Variants in COG1 observed in about 807,000 individuals in gnomAD.
The protein encoded by COG1 is conserved oligomeric Golgi complex subunit 1.
In COG1, 61 loss-of-function variants were observed where a neutral mutation model predicts 102.2. The observed-to-expected ratio is 0.60, with a 90% CI of 0.49 to 0.74. The LOEUF (loss-of-function observed/expected upper bound fraction) is 0.74. Among genes scored for constraint, COG1 ranks in the 30% least tolerant of loss-of-function variants. The probability of loss-of-function intolerance (pLI) is 0.00; values close to 1 mark genes in which losing one functional copy is unlikely to be tolerated. For missense variants in COG1, 1,164 were observed against 1,232.1 expected (o/e 0.94, Z 0.83); for synonymous variants, 454 against 493.6 (o/e 0.92, Z 1.06).
At position 73,199,851 on chromosome 17, in the gene COG1, G is replaced by C. The variant is rs1431219936; in HGVS notation, c.914-14G>C. ...GGGTGGCCTAGATGGCTTCTCACTT[G>C]GCCTTCTCTTTAGGAAAGGGCACTG... On this transcript the variant is annotated splice_polypyrimidine_tract_variant and intron_variant, in intron 4 of 13. Transcript: ENST00000299886. The C allele has an allele frequency of 1.2e-6, 2 of 1,614,036 alleles. No homozygotes were observed. Among genetic ancestry groups the C allele is most frequent in the Admixed American group, 3.3e-5 (2 of 60,008 alleles).
At chr17:73,206,637 CCTT>C (rs1216797312) in intron 11 of COG1, 68 bp from the exon 12 acceptor site, 2 of 959,366 alleles carry the variant, frequency 2.1e-6, no homozygotes, top group African/African-American at 1.7e-5. Context: ...GGGTGACTAA[CCTT>C]TTTTTTTTTT....
At chr17:73,197,995 G>A (rs542342094) in intron 4 of COG1, among the ~76,000 whole-genome samples, 2 of 152,306 alleles carry the variant, frequency 1.3e-5, no homozygotes, top group East Asian at 3.9e-4. Flanking sequence ...ATGTGTGCCC[G>A]TGCATCCTGT....
Position 73,196,955 on chromosome 17 carries a change from C to A in COG1, c.616C>A (p.Gln206Lys). Residue 206 changes from glutamine to lysine, a missense_variant, in exon 3 of 14, where the codon CAA becomes AAA. Physicochemically the swap from Gln to Lys is moderately conservative, Grantham distance 53 (BLOSUM62 1). Transcript: ENST00000299886. ...MLLKCQGVSD[Q>K]AVAEALCSIM... ...GCTCAAATGCCAAGGTGTGTCTGAC[C>A]AAGCTGTGGCCGAGGCCCTGTGCTC... 1.2e-6 allele frequency: 2 copies of A among 1,614,176 alleles called. No individual in the cohort carries two copies. Among genetic ancestry groups the A allele is most frequent in the South Asian group, 2.2e-5 (2 of 91,078 alleles).
At chr17:73,197,144 G>A (rs2061328744) in intron 3 of COG1, 63 bp downstream of exon 3, 1 of 1,612,486 alleles carries the variant, frequency 6.2e-7, no homozygotes, top group South Asian at 1.1e-5. Flanking sequence ...GTGAGCTGCG[G>A]GAGACTGAAG....
In COG1 at chr17:73,201,523, G is replaced by A. The variant is rs146960628; in HGVS notation, c.1696G>A (p.Val566Met). The A allele has an allele frequency of 5.2e-5, 84 of 1,614,130 alleles. No homozygotes were observed. The highest frequency in any genetic ancestry group is 6.7e-5 in the East Asian group (3 of 44,902). Residue 566 changes from valine to methionine, a missense_variant, in exon 7 of 14, where the codon GTG becomes ATG. Physicochemically the swap from Val to Met is conservative, Grantham distance 21 (BLOSUM62 1). Transcript: ENST00000299886. ...TGACAGATACGCAGATGCGGGGACC[G>A]TGCAGGAGATGCTGCGGACTCAGTC... ...AFDRYADAGT[V>M]QEMLRTQSVA...
At chr17:73,194,486 CA>C (rs574660086) in intron 1 of COG1, among the ~76,000 whole-genome samples, 1 of 137,010 alleles carries the variant, frequency 7.3e-6, no homozygotes, top group Non-Finnish European at 1.5e-5. Flanking sequence ...TTTTTTGAGA[CA>C]GGATCTCGCT....
chr17:73,196,979 T>G lies in COG1; in HGVS notation c.640T>G (p.Ser214Ala), dbSNP rs2061328036. ...SDQAVAEALC[S>A]IMLLEESSPR... Reference sequence around the variant, plus strand: ...CCAAGCTGTGGCCGAGGCCCTGTGCTCTATAATGCTCTTAGAAGAGAGTTC... The same window carrying G: ...CCAAGCTGTGGCCGAGGCCCTGTGCGCTATAATGCTCTTAGAAGAGAGTTC... Residue 214 changes from serine to alanine, a missense_variant, in exon 3 of 14, where the codon TCT becomes GCT. By Grantham distance (99) the Ser-to-Ala change is moderately conservative. Transcript: ENST00000299886. The G allele has an allele frequency of 1.9e-6, 3 of 1,614,116 alleles. No individual in the cohort carries two copies. The highest frequency in any genetic ancestry group is 2.2e-5 in the South Asian group (2 of 91,090).
chr17:73,207,072 G>T (rs774965701), intron 12 of COG1, 109 bp from the exon 13 acceptor site: 1 of 931,392 alleles, frequency 1.1e-6, no homozygotes, highest in Non-Finnish European at 1.6e-6. Context: ...CAGCCTGGGC[G>T]ACAGAACGAG....
chr17:73,198,185 A>T (rs2061333012), intron 4 of COG1, among the ~76,000 whole-genome samples: 1 of 23,100 alleles, frequency 4.3e-5, no homozygotes, highest in Non-Finnish European at 6.8e-4. Flanking sequence ...GACGGAGCTA[A>T]TTGCATGTTC....
intron 9 of COG1, among the ~76,000 whole-genome samples, chr17:73,204,468 G>C (rs893914455): frequency 1.2e-4 from 19 of 152,266 alleles, no homozygotes; most frequent in African/African-American, 4.6e-4. Flanking sequence ...TTACTTACGG[G>C]GAGTTCTTGT....
At position 73,201,656 on chromosome 17, in the gene COG1, C is replaced by CA; in HGVS notation, c.1830dup (p.Val611SerfsTer37). 6.2e-7 allele frequency: 1 copy of CA among 1,614,244 alleles called. No individual in the cohort carries two copies. ...GCCCTCAACAGTGCCAAGCTGCACT[C>CA]AGTTCTTTTCATGGCCAGACTCTGC... On this transcript the variant is annotated frameshift_variant, in exon 7 of 14. Coordinates refer to ENST00000299886, the MANE Select transcript of COG1 (RefSeq NM_018714.3). LOFTEE classifies it high-confidence loss of function.
chr17:73,204,906 T>C (rs2061361896), intron 9 of COG1, among the ~76,000 whole-genome samples: 4 of 152,038 alleles, frequency 2.6e-5, no homozygotes, highest in Admixed American at 2.0e-4. Context: ...CTGACACCTG[T>C]AATCCCAGTA....
chr17:73,200,303 GT>G (rs1212843263), intron 5 of COG1, among the ~76,000 whole-genome samples: 2 of 152,144 alleles, frequency 1.3e-5, no homozygotes, highest in Non-Finnish European at 2.9e-5. Context: ...TTAATGCATT[GT>G]TTTTTTAAGC....
At chr17:73,203,525 GGT>G (rs1397833660) in intron 8 of COG1, 105 bp from the exon 9 acceptor site, 2 of 1,343,686 alleles carry the variant, frequency 1.5e-6, no homozygotes, top group African/African-American at 2.9e-5. Context: ...TGCTGAGAGG[GGT>G]CAAAGTCCTG....
rs370713430 is a variant in COG1 at position 73,197,803 on chromosome 17, G to A, written c.913+407G>A. On this transcript the variant is annotated intron_variant, in intron 4 of 13. Transcript: ENST00000299886. ...ATGTGCAAAGATCCTGAGGCAAGAA[G>A]AAACTGTAAGACAGCCAGTGAGGCA... Among the ~76,000 whole-genome samples the A allele has an allele frequency of 1.4e-3, 211 of 152,346 alleles. 5 individuals are homozygous for A. The South Asian group carries it at 0.042, about 30-fold the overall frequency.
intron 11 of COG1, 122 bp downstream of exon 11, chr17:73,206,384 T>C (rs1447244823): frequency 1.2e-6 from 1 of 806,538 alleles, no homozygotes; most frequent in African/African-American, 1.7e-5. Context: ...AAGACACAAA[T>C]AGCCGAGTGT....
intron 4 of COG1, 102 bp from the exon 5 acceptor site, chr17:73,199,763 G>A (rs2061339444): frequency 7.3e-7 from 1 of 1,362,074 alleles, no homozygotes; most frequent in African/African-American, 1.4e-5. Context: ...TTGTAGAGGT[G>A]AGGTTTCACT....
At position 73,203,001 on chromosome 17, in the gene COG1, T is replaced by C. The variant is rs1210770152; in HGVS notation, c.2075T>C (p.Val692Ala). ...YQVWSSAVVK[V>A]LIHGFTQSLL... is the part of the protein sequence containing the mutation. ...TGGATATCTGCCTTTTATTACCAGG[T>C]TTTGATTCATGGATTCACCCAGTCA... The change falls in exon 8 of 14, where the codon GTT becomes GCT. Residue 692 changes from valine to alanine, a missense_variant and splice_region_variant. Val to Ala is a moderately conservative substitution (Grantham distance 64, BLOSUM62 0). Transcript: ENST00000299886. 2 of 1,613,858 alleles carry C rather than the reference T, an allele frequency of 1.2e-6. No homozygotes were observed. Among genetic ancestry groups the C allele is most frequent in the East Asian group, 2.2e-5 (1 of 44,888 alleles).
rs773716639 is a variant in COG1, at chr17:73,200,728, C to T, written c.1233C>T (p.Leu411=). 10 of 1,614,086 alleles carry T rather than the reference C, an allele frequency of 6.2e-6. No individual in the cohort carries two copies. In the South Asian group the frequency reaches 8.8e-5, roughly 14 times the overall value. Residue 411 remains leucine, a synonymous_variant, in exon 6 of 14, where the codon CTC becomes CTT. Coordinates refer to ENST00000299886, the MANE Select transcript of COG1 (RefSeq NM_018714.3). ...VLCRRLLEKP[L]LFWEDMMQQL... is the part of the protein sequence containing the mutation. The stretch of plus-strand genomic sequence containing the variant: ...GTCGGCGGCTTCTGGAGAAGCCGCT[C>T]TTGTTCTGGGAAGATATGATGCAGC...
Sources: allele counts gnomAD v4.1 joint callset (sites outside exome capture counted in the v4.1 genomes callset), GRCh38; gene constraint gnomAD v4.1.1; transcripts MANE v1.5; gene names NCBI Gene and HGNC (gene_info 2026-07-23, HGNC 2026-07-21).